Variants in MYO18B observed in about 807,000 individuals in gnomAD.
The protein encoded by MYO18B is myosin XVIIIB.
In MYO18B, 204 loss-of-function variants were observed where a neutral mutation model predicts 273.0. The observed-to-expected ratio is 0.75, with a 90% CI of 0.67 to 0.84. MYO18B has a LOEUF of 0.84. MYO18B is among the 40% of genes least tolerant of loss of function. The probability of loss-of-function intolerance (pLI) is 0.00; values close to 1 mark genes in which losing one functional copy is unlikely to be tolerated. For synonymous variants in MYO18B, 1,330 were observed against 1,305.7 expected, an observed-to-expected ratio of 1.02 and a Z score of -0.40; for missense variants, 3,212 against 3,287.6, an observed-to-expected ratio of 0.98 and a Z score of 0.56.
At chr22:25,879,031 AT>A (rs1250289882) in intron 25 of MYO18B, among the ~76,000 whole-genome samples, 2 of 152,286 alleles carry the variant, frequency 1.3e-5, no homozygotes, top group African/African-American at 4.8e-5. Context: ...GTTTTGTGAT[AT>A]TAAAAACGAG....
At chr22:25,794,654 G>A (rs1056162116) in intron 11 of MYO18B, among the ~76,000 whole-genome samples, 2 of 151,964 alleles carry the variant, frequency 1.3e-5, no homozygotes, top group South Asian at 2.1e-4. Flanking sequence ...ACAGGTGCCC[G>A]CCACTTCGCC....
chr22:25,963,173 C>CTG (rs2092937374), intron 39 of MYO18B, among the ~76,000 whole-genome samples: 1 of 148,908 alleles, frequency 6.7e-6, no homozygotes, highest in Non-Finnish European at 1.5e-5. Context: ...CTCTCTCTCT[C>CTG]TCTCTCACAC....
chr22:26,004,887 C>A (rs1029592397), intron 42 of MYO18B, 32 bp downstream of exon 42: 2 of 1,611,062 alleles, frequency 1.2e-6, no homozygotes, highest in Non-Finnish European at 1.7e-6. Flanking sequence ...CTCTGGATGG[C>A]TAATAGCTTG....
intron 31 of MYO18B, among the ~76,000 whole-genome samples, chr22:25,906,450 C>T (rs891865217): frequency 6.6e-6 from 1 of 152,178 alleles, no homozygotes; most frequent in Non-Finnish European, 1.5e-5. Context: ...TATCCTTTTG[C>T]TCCTCACCAC....
chr22:26,026,555 C>G lies in MYO18B; in HGVS notation c.6581C>G (p.Pro2194Arg). Residue 2194 changes from proline (P) to arginine (R), a missense_variant, in exon 43 of 44, where the codon CCC becomes CGC. Physicochemically the swap from Pro to Arg is moderately radical, Grantham distance 103. Coordinates refer to ENST00000335473, the MANE Select transcript of MYO18B (RefSeq NM_032608.7). Reference sequence around the variant, plus strand: ...ACCTCAGGAGACAAGCCTGTTTCTCCCCACTTTGTCCGCCGGCAAAAGTAC... The same window carrying G: ...ACCTCAGGAGACAAGCCTGTTTCTCGCCACTTTGTCCGCCGGCAAAAGTAC... ...SKTSGDKPVS[P>R]HFVRRQKYCH... The G allele has an allele frequency of 1.2e-6, 2 of 1,613,900 alleles. No homozygotes were observed. The highest frequency in any genetic ancestry group is 1.7e-6 in the Non-Finnish European group (2 of 1,179,888).
intron 12 of MYO18B, among the ~76,000 whole-genome samples, chr22:25,818,599 G>A (rs1442084309): frequency 1.3e-5 from 2 of 152,154 alleles, no homozygotes; most frequent in African/African-American, 4.8e-5. Context: ...AAGCTCTGGG[G>A]TGTGACCCAC....
Position 25,869,496 on chromosome 22 carries a change from G to A in MYO18B, c.3951+1111G>A, listed in dbSNP as rs569756393. ...AAAGAAGGAAGGAAGGAAGGAAGGA[G>A]GGAGGGAGGGAAGGAAAACTGGAGA... On this transcript the variant is annotated intron_variant, in intron 22 of 43. Coordinates refer to ENST00000335473, the MANE Select transcript of MYO18B (RefSeq NM_032608.7). Among the ~76,000 whole-genome samples, 10 of 149,944 alleles carry A rather than the reference G, an allele frequency of 6.7e-5. No individual in the cohort carries two copies. In the South Asian group the frequency reaches 1.1e-3, roughly 16 times the overall value.
At chr22:25,817,421 TCTTTCCCTTTC>T (rs1171512066) in intron 12 of MYO18B, among the ~76,000 whole-genome samples, 3 of 88,470 alleles carry the variant, frequency 3.4e-5, no homozygotes, top group Non-Finnish European at 8.2e-5. Flanking sequence ...CTCCCTCTTT[TCTTTCCCTTTC>T]CTTTCCCTTT....
chr22:25,842,672 CAAAAAAAA>C (rs695584), intron 17 of MYO18B, among the ~76,000 whole-genome samples: 2 of 64,584 alleles, frequency 3.1e-5, no homozygotes, highest in Non-Finnish European at 3.6e-5. Context: ...AACTCCGTCT[CAAAAAAAA>C]AAAAAAAAAA....
chr22:26,002,891 C>T (rs953884968), intron 40 of MYO18B, among the ~76,000 whole-genome samples: 1 of 152,160 alleles, frequency 6.6e-6, no homozygotes, highest in Non-Finnish European at 1.5e-5. Context: ...CTAGCACTCA[C>T]AAAGAACATA....
the MYO18B span, among the ~76,000 whole-genome samples, chr22:26,056,241 T>A: frequency 6.6e-6 from 1 of 152,292 alleles, no homozygotes; most frequent in South Asian, 2.1e-4. Context: ...AAAGCCAAAA[T>A]AGGAACCCTC....
At chr22:25,812,405 T>C (rs2088805148) in intron 12 of MYO18B, among the ~76,000 whole-genome samples, 1 of 152,178 alleles carries the variant, frequency 6.6e-6, no homozygotes, top group Admixed American at 6.5e-5. Flanking sequence ...TGAGGTGAGC[T>C]TCACCCTGTA....
chr22:25,805,869 G>T (rs897784667), intron 12 of MYO18B, among the ~76,000 whole-genome samples: 2 of 152,140 alleles, frequency 1.3e-5, no homozygotes, highest in African/African-American at 4.8e-5. Context: ...CTCTTGATTC[G>T]AAAGTCACTG....
chr22:25,965,010 A>G (rs903373287), intron 39 of MYO18B: 1 of 152,232 alleles, frequency 6.6e-6, no homozygotes, highest in African/African-American at 2.4e-5. Context: ...TCTGAGTGGA[A>G]TTGAAGGCCT....
chr22:25,800,143 A>G, intron 12 of MYO18B, among the ~76,000 whole-genome samples: 1 of 152,178 alleles, frequency 6.6e-6, no homozygotes, highest in Non-Finnish European at 1.5e-5. Context: ...ATGAGGATGC[A>G]AAGGCATAAG....
chr22:25,928,461 G>A (rs2092452331), intron 34 of MYO18B, among the ~76,000 whole-genome samples: 1 of 150,130 alleles, frequency 6.7e-6, no homozygotes, highest in Non-Finnish European at 1.5e-5. Flanking sequence ...GCCCTGATGT[G>A]CAGAATATCA....
chr22:26,049,833 C>T, the MYO18B span, among the ~76,000 whole-genome samples: 1 of 152,188 alleles, frequency 6.6e-6, no homozygotes, highest in Non-Finnish European at 1.5e-5. Flanking sequence ...ATAGTACCTG[C>T]CCTGAGAATT....
At chr22:25,822,151 C>T (rs2089305960) in intron 12 of MYO18B, among the ~76,000 whole-genome samples, 1 of 152,212 alleles carries the variant, frequency 6.6e-6, no homozygotes, top group African/African-American at 2.4e-5. Flanking sequence ...ACATTCCAGC[C>T]ACACTGGTTT....
intron 34 of MYO18B, among the ~76,000 whole-genome samples, chr22:25,928,394 C>A (rs181505592): frequency 1.4e-5 from 2 of 145,228 alleles, no homozygotes; most frequent in African/African-American, 5.2e-5. Context: ...CATAGTAAGA[C>A]CCGGCCTCAA....
Sources: gnomAD v4.1 joint callset for allele counts (sites outside exome capture counted in the v4.1 genomes callset) on GRCh38, gnomAD v4.1.1 for gene constraint, MANE v1.5 for transcripts, NCBI Gene and HGNC (gene_info 2026-07-23, HGNC 2026-07-21) for gene names.